The following ARHGAP35 variants were observed in gnomAD, a reference collection of about 807,000 sequenced individuals.
ARHGAP35 encodes the protein Rho GTPase activating protein 35.
In ARHGAP35, 15 loss-of-function variants were observed where a neutral mutation model predicts 111.1. The ratio of observed to expected loss-of-function variants is 0.13; its 90% CI spans 0.09 to 0.21. The LOEUF (loss-of-function observed/expected upper bound fraction) is 0.21. ARHGAP35 is among the 10% of genes least tolerant of loss of function. The pLI, the probability that ARHGAP35 is intolerant of heterozygous loss-of-function variation, is 1.00. For synonymous variants in ARHGAP35, 643 were observed against 710.3 expected, an observed-to-expected ratio of 0.91 and a Z score of 1.51; for missense variants, 1,262 against 1,873.0, an observed-to-expected ratio of 0.67 and a Z score of 6.02.
chr19:46,915,760 C>T (rs1350025090), intron 1 of ARHGAP35, among the ~76,000 whole-genome samples: 1 of 152,056 alleles, frequency 6.6e-6, no homozygotes, highest in African/African-American at 2.4e-5. Flanking sequence ...ATTGGAGTAT[C>T]TAAGTAAACT....
Position 46,992,156 on chromosome 19 carries a change from C to T in ARHGAP35, c.4036+2481C>T, listed in dbSNP as rs764473642. Among the ~76,000 whole-genome samples the T allele has an allele frequency of 2.2e-4, 33 of 152,158 alleles. No individual in the cohort carries two copies. The highest frequency in any genetic ancestry group is 4.1e-4 in the Non-Finnish European group (28 of 68,036). On this transcript the variant is annotated intron_variant, in intron 5 of 6. Transcript: ENST00000672722. This position sits in a 1 kb window ranked among gnomAD's most constrained non-coding sequence, Gnocchi z 4.4. ...CCTGTGTGCCTGCCTAGGCTGGGCC[C>T]GGCTCTCCACGAGGCACTTGATTCC...
Position 46,962,742 on chromosome 19 carries a change from T to A in ARHGAP35, c.3827-25247T>A, listed in dbSNP as rs7246612. 3.2e-3 allele frequency among the ~76,000 whole-genome samples: 490 copies of A among 152,302 alleles called. 2 individuals are homozygous for A. The highest frequency in any genetic ancestry group is 0.011 in the African/African-American group (464 of 41,572). On this transcript the variant is annotated intron_variant, in intron 3 of 6. Coordinates refer to ENST00000672722, the MANE Select transcript of ARHGAP35 (RefSeq NM_004491.5). ...CTGCCTCCTGCCTCAGCCTCCCACG[T>A]AGATGGGATTACAGGCATGCACCAC...
intron 1 of ARHGAP35, among the ~76,000 whole-genome samples, chr19:46,871,021 A>G (rs2055884902): frequency 6.6e-6 from 1 of 152,194 alleles, no homozygotes; most frequent in Non-Finnish European, 1.5e-5. Flanking sequence ...AAGGCACTTC[A>G]ATTATTACTT....
intron 1 of ARHGAP35, among the ~76,000 whole-genome samples, chr19:46,863,473 T>G (rs918781607): frequency 3.3e-5 from 5 of 152,128 alleles, no homozygotes; most frequent in African/African-American, 9.7e-5. Flanking sequence ...GTTTGCTCTC[T>G]CCCTTCCTAT....
rs1050072382 is a variant in ARHGAP35, at chr19:47,000,998, G to A, written c.*310G>A. 8.8e-6 allele frequency: 13 copies of A among 1,479,922 alleles called. No homozygotes were observed. The highest frequency in any genetic ancestry group is 2.4e-5 in the South Asian group (2 of 82,622). 91.7% of individuals were successfully genotyped at this position (1,479,922 alleles called of 1,614,324 possible). On this transcript the variant is annotated 3_prime_UTR_variant, in exon 7 of 7. Coordinates refer to ENST00000672722, the MANE Select transcript of ARHGAP35 (RefSeq NM_004491.5). The surrounding 1 kb of genome is among the most constrained non-coding windows in gnomAD (Gnocchi z 6.9). Reference sequence around the variant, plus strand: ...CACGTAGCTGCTCACACCAGCCTCCGGGTGCCTCCCTCTGCTTGTACAGAG... The same window carrying A: ...CACGTAGCTGCTCACACCAGCCTCCAGGTGCCTCCCTCTGCTTGTACAGAG...
intron 1 of ARHGAP35, among the ~76,000 whole-genome samples, chr19:46,864,398 A>AT (rs1350852025): frequency 3.3e-5 from 5 of 152,220 alleles, no homozygotes; most frequent in African/African-American, 7.2e-5. Context: ...CAAAAGCCTG[A>AT]TTTTTTTCCC....
chr19:46,980,521 G>A (rs1348023369), intron 3 of ARHGAP35, among the ~76,000 whole-genome samples: 1 of 152,328 alleles, frequency 6.6e-6, no homozygotes, highest in Non-Finnish European at 1.5e-5. Context: ...CTATAAGACA[G>A]AACCAGGATC....
chr19:46,932,246 C>T (rs568742079), intron 2 of ARHGAP35, among the ~76,000 whole-genome samples: 1 of 152,352 alleles, frequency 6.6e-6, no homozygotes, highest in East Asian at 1.9e-4. Flanking sequence ...TGCGCTACGG[C>T]ACTCCAGCTT....
chr19:46,972,932 T>C (rs941225274), intron 3 of ARHGAP35, among the ~76,000 whole-genome samples: 2 of 152,206 alleles, frequency 1.3e-5, no homozygotes, highest in African/African-American at 4.8e-5. Context: ...TCCTGGCTAC[T>C]CACAGAGCAA....
In ARHGAP35 at chr19:46,994,765, A is replaced by G. The variant is rs1316618417; in HGVS notation, c.4037-4539A>G. Among the ~76,000 whole-genome samples, 1 of 152,150 alleles carries G rather than the reference A, an allele frequency of 6.6e-6. No homozygotes were observed. Among genetic ancestry groups the G allele is most frequent in the Non-Finnish European group, 1.5e-5 (1 of 68,006 alleles). ...CCCTACTGCATCCCCAGTGTGTAAA[A>G]TAGTACCCAGGCAGGAGCGGGTCCC... On this transcript the variant is annotated intron_variant, in intron 5 of 6. Coordinates refer to ENST00000672722, the MANE Select transcript of ARHGAP35 (RefSeq NM_004491.5). This position sits in a 1 kb window ranked among gnomAD's most constrained non-coding sequence, Gnocchi z 5.4.
chr19:46,979,627 C>G (rs1475664260), intron 3 of ARHGAP35, among the ~76,000 whole-genome samples: 1 of 152,196 alleles, frequency 6.6e-6, no homozygotes, highest in Non-Finnish European at 1.5e-5. Context: ...CCATCTGATC[C>G]CCCAGACCTG....
chr19:46,958,376 C>T (rs1420439912), intron 3 of ARHGAP35, among the ~76,000 whole-genome samples: 2 of 148,824 alleles, frequency 1.3e-5, no homozygotes, highest in African/African-American at 2.5e-5. Context: ...CAGAGCAAGA[C>T]TCCGTCTCAA....
Position 47,001,392 on chromosome 19 carries a change from AC to A in ARHGAP35, c.*707del. ...GAACACTAGGAGAAAAAATGGAAAA[AC>A]CCTTCCAGTAATTAAAAAGGAAGAA... On this transcript the variant is annotated 3_prime_UTR_variant, in exon 7 of 7. Coordinates refer to ENST00000672722, the MANE Select transcript of ARHGAP35 (RefSeq NM_004491.5). This position sits in a 1 kb window ranked among gnomAD's most constrained non-coding sequence, Gnocchi z 5.4. 1.6e-6 allele frequency: 2 copies of A among 1,288,456 alleles called. No individual in the cohort carries two copies. The highest frequency in any genetic ancestry group is 2.0e-6 in the Non-Finnish European group (2 of 987,828). 79.8% of individuals were successfully genotyped at this position (1,288,456 alleles called of 1,614,324 possible). A position where few individuals can be genotyped will look rare whatever the true frequency, so the allele number is the denominator to read the frequency against.
At chr19:46,968,517 G>A (rs1194477627) in intron 3 of ARHGAP35, among the ~76,000 whole-genome samples, 1 of 152,076 alleles carries the variant, frequency 6.6e-6, no homozygotes, top group African/African-American at 2.4e-5. Context: ...TCAGAATTTG[G>A]GTTCAAAATA....
At position 46,919,596 on chromosome 19, in the gene ARHGAP35, C is replaced by G; in HGVS notation, c.921C>G (p.Asp307Glu). 6.2e-7 allele frequency: 1 copy of G among 1,613,932 alleles called. No individual in the cohort carries two copies. Among genetic ancestry groups the G allele is most frequent in the African/African-American group, 1.3e-5 (1 of 75,032 alleles). Residue 307 changes from aspartate (D) to glutamate (E), a missense_variant, in exon 2 of 7, where the codon GAC becomes GAG. Coordinates refer to ENST00000672722, the MANE Select transcript of ARHGAP35 (RefSeq NM_004491.5). This position sits in a 1 kb window ranked among gnomAD's most constrained non-coding sequence, Gnocchi z 6.2. ...TGCAGGCCTCTCCAGAATACCAGGA[C>G]TATGTCTACCTGGAAGGGACTCAGA... ...RKMQASPEYQ[D>E]YVYLEGTQKA...
intron 1 of ARHGAP35, among the ~76,000 whole-genome samples, chr19:46,896,598 T>G (rs764942777): frequency 1.2e-4 from 18 of 152,182 alleles, no homozygotes; most frequent in Non-Finnish European, 2.2e-4. Flanking sequence ...AGCAGCTGTT[T>G]TTGTCCATTC....
intron 3 of ARHGAP35, among the ~76,000 whole-genome samples, chr19:46,961,280 A>G (rs779922571): frequency 2.0e-5 from 3 of 152,260 alleles, no homozygotes; most frequent in East Asian, 1.9e-4. Flanking sequence ...TGCATTGGCT[A>G]TCTATACATG....
At chr19:46,889,724 C>G (rs1018207329) in intron 1 of ARHGAP35, among the ~76,000 whole-genome samples, 2 of 133,174 alleles carry the variant, frequency 1.5e-5, no homozygotes, top group Middle Eastern at 5.5e-3. Flanking sequence ...GCACTCCAGC[C>G]TGGGCGACAG....
At chr19:46,965,059 T>C (rs2056505034) in intron 3 of ARHGAP35, among the ~76,000 whole-genome samples, 1 of 152,224 alleles carries the variant, frequency 6.6e-6, no homozygotes, top group African/African-American at 2.4e-5. Flanking sequence ...ACGCCTGTAA[T>C]CCCAGCGCTT....
Sources: gnomAD v4.1 joint callset for allele counts (sites outside exome capture counted in the v4.1 genomes callset) on GRCh38, gnomAD v4.1.1 for gene constraint, Gnocchi (gnomAD v3.1) non-coding constraint, MANE v1.5 for transcripts, NCBI Gene and HGNC (gene_info 2026-07-23, HGNC 2026-07-21) for gene names.